CDKAL1: variants seen among roughly 807,000 people sequenced by gnomAD.
The protein encoded by CDKAL1 is CDKAL1 threonylcarbamoyladenosine tRNA methylthiotransferase.
In CDKAL1, 32 loss-of-function variants were observed where a neutral mutation model predicts 68.2. That is an observed-to-expected ratio of 0.47 (90% CI 0.35 to 0.63). The LOEUF (loss-of-function observed/expected upper bound fraction) is 0.63, where lower values mean the gene tolerates loss of function less well. Ranked by LOEUF, CDKAL1 falls within the 30% of genes least tolerant of loss-of-function variation. CDKAL1 has a pLI of 0.00. For missense variants in CDKAL1, 606 were observed against 696.7 expected (o/e 0.87, Z 1.47); for synonymous variants, 234 against 244.3 (o/e 0.96, Z 0.39).
chr6:20,964,157 T>C (rs1191696091), intron 10 of CDKAL1, among the ~76,000 whole-genome samples: 1 of 151,898 alleles, frequency 6.6e-6, no homozygotes, highest in Non-Finnish European at 1.5e-5. Flanking sequence ...AGTCAAAAAA[T>C]AACAGATGCT....
chr6:20,566,628 AT>A (rs1026983512), intron 4 of CDKAL1, among the ~76,000 whole-genome samples: 13 of 152,054 alleles, frequency 8.5e-5, no homozygotes, highest in East Asian at 3.9e-4. Flanking sequence ...ACATCTTTTG[AT>A]TTTTTTTCTT....
intron 9 of CDKAL1, among the ~76,000 whole-genome samples, chr6:20,892,174 C>G (rs1469279984): frequency 6.6e-6 from 1 of 152,154 alleles, no homozygotes; most frequent in Non-Finnish European, 1.5e-5. Context: ...AAAATCCAGA[C>G]TGTGAAACTC....
At chr6:20,769,314 A>G (rs1471234804) in intron 7 of CDKAL1, among the ~76,000 whole-genome samples, 1 of 132,372 alleles carries the variant, frequency 7.6e-6, no homozygotes, top group Non-Finnish European at 1.5e-5. Flanking sequence ...GCTGGAGTGC[A>G]GTGGTGCGAT....
At position 21,191,906 on chromosome 6, in the gene CDKAL1, C is replaced by G. The variant is rs149033811; in HGVS notation, c.1300-6115C>G. 1.8e-3 allele frequency among the ~76,000 whole-genome samples: 266 copies of G among 147,032 alleles called. 1 individual carries two copies. Among genetic ancestry groups the G allele is most frequent in the Non-Finnish European group, 3.5e-3 (234 of 67,578 alleles). On this transcript the variant is annotated intron_variant, in intron 13 of 15. Transcript: ENST00000274695. ...GCAGTAATGCAGGGTCTTGTAGAGA[C>G]GTTTCCTGCGCCTTCCTTCACTTTA...
intron 4 of CDKAL1, among the ~76,000 whole-genome samples, chr6:20,557,424 CAT>C (rs1170570797): frequency 2.6e-5 from 4 of 152,046 alleles, no homozygotes; most frequent in African/African-American, 9.7e-5. Context: ...GGAAGTTAAA[CAT>C]AGAATTATAT....
At chr6:20,661,458 A>G (rs552615886) in intron 5 of CDKAL1, among the ~76,000 whole-genome samples, 1 of 152,230 alleles carries the variant, frequency 6.6e-6, no homozygotes, top group South Asian at 2.1e-4. Flanking sequence ...TGGAGGCTTC[A>G]AGTTGTCTTC....
chr6:20,633,439 G>A (rs778622152), intron 4 of CDKAL1, among the ~76,000 whole-genome samples: 2 of 152,122 alleles, frequency 1.3e-5, no homozygotes, highest in Non-Finnish European at 2.9e-5. Context: ...TTTATCACTT[G>A]ATGGACATTG....
intron 8 of CDKAL1, among the ~76,000 whole-genome samples, chr6:20,837,233 G>A (rs1462658038): frequency 6.6e-6 from 1 of 152,026 alleles, no homozygotes. Context: ...TCCCACACAG[G>A]TTAGAAATTT....
chr6:21,051,632 G>C (rs1182826216), intron 11 of CDKAL1, among the ~76,000 whole-genome samples: 2 of 152,078 alleles, frequency 1.3e-5, no homozygotes, highest in Non-Finnish European at 2.9e-5. Context: ...TTATGAGAAA[G>C]TTATATTAAA....
intron 9 of CDKAL1, among the ~76,000 whole-genome samples, chr6:20,880,211 C>T (rs897548772): frequency 6.6e-6 from 1 of 152,078 alleles, no homozygotes. Context: ...TAAGTAAGCT[C>T]TACATAGCTG....
intron 9 of CDKAL1, among the ~76,000 whole-genome samples, chr6:20,866,918 T>A (rs901278243): frequency 2.0e-5 from 3 of 152,192 alleles, no homozygotes; most frequent in African/African-American, 7.2e-5. Flanking sequence ...ATCCTTGTCT[T>A]TTTATATAAA....
intron 5 of CDKAL1, among the ~76,000 whole-genome samples, chr6:20,653,448 C>T (rs1274047950): frequency 6.6e-6 from 1 of 152,008 alleles, no homozygotes; most frequent in East Asian, 1.9e-4. Context: ...TTTTAATTTA[C>T]ATTTCCTTTT....
intron 15 of CDKAL1, among the ~76,000 whole-genome samples, chr6:21,219,223 T>A (rs1346800853): frequency 2.6e-5 from 4 of 152,192 alleles, no homozygotes; most frequent in African/African-American, 9.6e-5. Flanking sequence ...AATTCATGGA[T>A]GTTCAAATTC....
At chr6:20,836,124 C>T (rs961571615) in intron 8 of CDKAL1, among the ~76,000 whole-genome samples, 1 of 152,098 alleles carries the variant, frequency 6.6e-6, no homozygotes, top group Non-Finnish European at 1.5e-5. Flanking sequence ...GAATAGCCCA[C>T]ACCTGCACTT....
At chr6:20,944,163 C>G (rs1226798183) in intron 9 of CDKAL1, among the ~76,000 whole-genome samples, 1 of 152,238 alleles carries the variant, frequency 6.6e-6, no homozygotes, top group Non-Finnish European at 1.5e-5. Context: ...GAAAATGCCT[C>G]CAGATAGTAA....
intron 6 of CDKAL1, among the ~76,000 whole-genome samples, chr6:20,751,269 TTGTG>T (rs1198739914): frequency 6.6e-6 from 1 of 151,988 alleles, no homozygotes. Context: ...GTTGGCAAAA[TTGTG>T]TTTGAGATGT....
chr6:20,721,725 GTTTTTTTTTTTT>G lies in CDKAL1; in HGVS notation c.372-17780_372-17769del, dbSNP rs145893325. Reference sequence around the variant, plus strand: ...CTTCTCTGCACCCTGACCAACTTCTGTTTTTTTTTTTTTTTTTTTTTTTTTGAGACAGAGTCT... The same window carrying G: ...CTTCTCTGCACCCTGACCAACTTCTGTTTTTTTTTTTTTGAGACAGAGTCT... On this transcript the variant is annotated intron_variant, in intron 5 of 15. Coordinates refer to ENST00000274695, the MANE Select transcript of CDKAL1 (RefSeq NM_017774.3). Among the ~76,000 whole-genome samples the G allele has an allele frequency of 1.4e-3, 91 of 67,384 alleles. 2 individuals are homozygous for G. The Middle Eastern group carries it at 0.081, about 60-fold the overall frequency. The allele number at this position is 67,384 out of a possible 152,430, so 44.2% of individuals were successfully genotyped here.
intron 13 of CDKAL1, among the ~76,000 whole-genome samples, chr6:21,176,550 G>A (rs572724972): frequency 5.3e-5 from 8 of 152,278 alleles, no homozygotes; most frequent in South Asian, 2.1e-4. Context: ...ATTTATTTGC[G>A]TAGCAAGCCG....
intron 9 of CDKAL1, among the ~76,000 whole-genome samples, chr6:20,918,527 A>G (rs775640495): frequency 6.6e-6 from 1 of 152,378 alleles, no homozygotes; most frequent in Middle Eastern, 3.4e-3. Flanking sequence ...TGGAAGCTGT[A>G]ACACATGCTC....
Sources: gnomAD v4.1 joint callset for allele counts (sites outside exome capture counted in the v4.1 genomes callset) on GRCh38, gnomAD v4.1.1 for gene constraint, MANE v1.5 for transcripts, NCBI Gene and HGNC (gene_info 2026-07-23, HGNC 2026-07-21) for gene names.